The following MEF2C variants were observed in gnomAD, a reference collection of about 807,000 sequenced individuals.
MEF2C encodes myocyte-specific enhancer factor 2C.
MEF2C carries 6 observed loss-of-function variants against 50.5 expected under a neutral mutation model. The observed-to-expected ratio is 0.12, with a 90% CI of 0.07 to 0.23. The LOEUF is 0.23. Among genes scored for constraint, MEF2C ranks in the 10% least tolerant of loss-of-function variants. The probability of loss-of-function intolerance (pLI) is 1.00; values close to 1 mark genes in which losing one functional copy is unlikely to be tolerated. For missense variants in MEF2C, 276 were observed against 605.0 expected (o/e 0.46, Z 5.70); for synonymous variants, 183 against 228.0 (o/e 0.80, Z 1.78).
intron 6 of MEF2C, chr5:88,744,247 A>G (rs1768259926): frequency 3.0e-6 from 2 of 671,002 alleles, no homozygotes; most frequent in African/African-American, 3.9e-5. Flanking sequence ...AACCACTCAG[A>G]TTAGCATGTT....
intron 3 of MEF2C, chr5:88,780,994 C>A: frequency 1.0e-6 from 1 of 958,010 alleles, no homozygotes; most frequent in Non-Finnish European, 1.2e-6. Flanking sequence ...TTGGGCAAGC[C>A]CCTCTATTTG....
chr5:88,785,882 C>T (rs1790611054), intron 3 of MEF2C, among the ~76,000 whole-genome samples: 2 of 151,964 alleles, frequency 1.3e-5, no homozygotes, highest in South Asian at 4.1e-4. Context: ...TTTATTGGCA[C>T]CTAGAAGTCT....
chr5:88,742,077 A>G, intron 6 of MEF2C: 1 of 985,438 alleles, frequency 1.0e-6, no homozygotes, highest in Non-Finnish European at 1.2e-6. Context: ...GTTTGTCTAA[A>G]AACAGCAGAT....
chr5:88,838,675 C>T (rs1244438887), intron 1 of MEF2C: 6 of 985,168 alleles, frequency 6.1e-6, no homozygotes, highest in East Asian at 1.1e-4. Context: ...CACACCTAAC[C>T]AGCTCTGGTA....
chr5:88,750,117 G>T, intron 5 of MEF2C: 1 of 854,496 alleles, frequency 1.2e-6, no homozygotes, highest in Non-Finnish European at 1.4e-6. Flanking sequence ...TTTTCTAATT[G>T]CCTCTAAGTG....
intron 1 of MEF2C, among the ~76,000 whole-genome samples, chr5:88,857,295 C>G (rs769712053): frequency 2.6e-5 from 4 of 152,172 alleles, no homozygotes; most frequent in Non-Finnish European, 5.9e-5. Context: ...CCTATACTCC[C>G]ATTGTATCTA....
intron 1 of MEF2C, among the ~76,000 whole-genome samples, chr5:88,866,599 T>C (rs1827471504): frequency 6.6e-6 from 1 of 152,256 alleles, no homozygotes; most frequent in Non-Finnish European, 1.5e-5. Context: ...AAAGGTCTTT[T>C]ACTGAACCCA....
chr5:88,738,297 A>G, intron 6 of MEF2C: 1 of 985,056 alleles, frequency 1.0e-6, no homozygotes, highest in African/African-American at 1.7e-5. Flanking sequence ...TCGCTAACAC[A>G]GTGTATAGTA....
intron 2 of MEF2C, among the ~76,000 whole-genome samples, chr5:88,812,063 G>C (rs948466697): frequency 6.6e-6 from 1 of 152,112 alleles, no homozygotes; most frequent in African/African-American, 2.4e-5. Context: ...ACTTTACAAA[G>C]CAAGTAGTAT....
At chr5:88,826,908 T>TTA (rs1811113440) in intron 1 of MEF2C, 3 of 145,416 alleles carry the variant, frequency 2.1e-5, no homozygotes, top group African/African-American at 7.5e-5. Flanking sequence ...ATCACTAATT[T>TTA]AAAAAAAAAA....
chr5:88,830,006 A>G (rs1812423179), intron 1 of MEF2C, among the ~76,000 whole-genome samples: 1 of 152,010 alleles, frequency 6.6e-6, no homozygotes, highest in African/African-American at 2.4e-5. Flanking sequence ...TAATGCTATC[A>G]AGTGAATAGT....
chr5:88,873,820 T>C (rs1040775289), intron 1 of MEF2C, among the ~76,000 whole-genome samples: 4 of 150,058 alleles, frequency 2.7e-5, no homozygotes, highest in African/African-American at 9.8e-5. Context: ...TTCTAACCTA[T>C]ATAGAGTCTA....
At chr5:88,793,863 C>G (rs956824932) in intron 3 of MEF2C, among the ~76,000 whole-genome samples, 1 of 151,236 alleles carries the variant, frequency 6.6e-6, no homozygotes, top group Non-Finnish European at 1.5e-5. Flanking sequence ...TCTCATTGTT[C>G]AACTCCCACT....
intron 1 of MEF2C, among the ~76,000 whole-genome samples, chr5:88,826,366 G>C (rs1016942284): frequency 1.3e-5 from 2 of 151,980 alleles, no homozygotes; most frequent in African/African-American, 4.8e-5. Context: ...TATTTCTTGA[G>C]GTATTGCCTT....
At chr5:88,773,566 C>G (rs1465918435) in intron 3 of MEF2C, among the ~76,000 whole-genome samples, 3 of 152,200 alleles carry the variant, frequency 2.0e-5, no homozygotes, top group African/African-American at 7.2e-5. Context: ...GACAGGAAGT[C>G]TCCTGACGAC....
chr5:88,833,297 G>C (rs1376540116), intron 1 of MEF2C, among the ~76,000 whole-genome samples: 1 of 152,146 alleles, frequency 6.6e-6, no homozygotes, highest in Admixed American at 6.6e-5. Context: ...TTTTAGCAAA[G>C]CAGTACAGAC....
chr5:88,752,384 G>T (rs1034751865), intron 4 of MEF2C, among the ~76,000 whole-genome samples: 1 of 152,138 alleles, frequency 6.6e-6, no homozygotes, highest in Non-Finnish European at 1.5e-5. Flanking sequence ...AAGATCAAAG[G>T]TGCCTGATTG....
intron 2 of MEF2C, among the ~76,000 whole-genome samples, chr5:88,815,019 A>C (rs1804691297): frequency 6.6e-6 from 1 of 152,116 alleles, no homozygotes; most frequent in African/African-American, 2.4e-5. Flanking sequence ...GGTTTGTTAA[A>C]GGGCTAATTT....
chr5:88,884,337 C>G (rs1833781477), upstream of MEF2C: 1 of 152,248 alleles, frequency 6.6e-6, no homozygotes, highest in Admixed American at 6.5e-5. Context: ...CGCGTAAAAA[C>G]CACGGTCCAG....
Sources: gnomAD v4.1 joint callset for allele counts (sites outside exome capture counted in the v4.1 genomes callset) on GRCh38, gnomAD v4.1.1 for gene constraint, MANE v1.5 for transcripts, NCBI Gene and HGNC (gene_info 2026-07-23, HGNC 2026-07-21) for gene names.